Variants in ENPEP observed in about 807,000 individuals in gnomAD.
ENPEP encodes AP-A.
In ENPEP, 103 loss-of-function variants were observed where a neutral mutation model predicts 114.5. The ratio of observed to expected loss-of-function variants is 0.90; its 90% confidence interval spans 0.77 to 1.06. The LOEUF (loss-of-function observed/expected upper bound fraction) is 1.06, where lower values mean the gene tolerates loss of function less well. ENPEP is among the 50% of genes least tolerant of loss of function. The pLI is 0.00. For missense variants in ENPEP, 1,196 were observed against 1,161.3 expected (o/e 1.03, Z -0.43); for synonymous variants, 420 against 422.0 (o/e 1.00, Z 0.06).
chr4:110,556,863 C>T (rs1727492131), intron 18 of ENPEP, among the ~76,000 whole-genome samples: 1 of 152,050 alleles, frequency 6.6e-6, no homozygotes, highest in African/African-American at 2.4e-5. Flanking sequence ...TGTGGAGCAC[C>T]TACTCTGTGC....
rs565785205 is a variant in ENPEP, at chr4:110,533,775, C to G, written c.1807+2498C>G. 2.0e-5 allele frequency among the ~76,000 whole-genome samples: 3 copies of G among 152,240 alleles called. No homozygotes were observed. The South Asian group carries it at 6.2e-4, about 32-fold the overall frequency. On this transcript the variant is annotated intron_variant, in intron 11 of 19. Transcript: ENST00000265162. ...CACATTTTTTTGTTCTAACTATTGA[C>G]CTATCTATGTCTCCCCTCCCCACAG...
chr4:110,554,420 C>G (rs1578420915), intron 18 of ENPEP, among the ~76,000 whole-genome samples: 1 of 152,080 alleles, frequency 6.6e-6, no homozygotes, highest in Non-Finnish European at 1.5e-5. Context: ...ACCTCTAGCT[C>G]CCAACCAAAA....
rs1476896387 is a variant in ENPEP at position 110,509,765 on chromosome 4, A to C, written c.1152A>C (p.Gln384His). 1 of 1,614,070 alleles carries C rather than the reference A, an allele frequency of 6.2e-7. No homozygotes were observed. The highest frequency in any genetic ancestry group is 8.5e-7 in the Non-Finnish European group (1 of 1,180,026). Residue 384 changes from glutamine to histidine, a missense_variant, in exon 5 of 20, where the codon CAA becomes CAC. Transcript: ENST00000265162. ...YDPKESASSN[Q>H]QRVATVVAHE... is the part of the protein sequence containing the mutation. ...CTAAGGAATCAGCCTCATCAAACCAACAGAGGGTGGCCACTGTGGTTGCCC... is the reference window on the plus strand; with the variant it reads ...CTAAGGAATCAGCCTCATCAAACCACCAGAGGGTGGCCACTGTGGTTGCCC...
At chr4:110,501,843 G>T (rs1395116124) in intron 3 of ENPEP, among the ~76,000 whole-genome samples, 1 of 152,168 alleles carries the variant, frequency 6.6e-6, no homozygotes, top group Non-Finnish European at 1.5e-5. Context: ...TTCTGCTTTA[G>T]TTCTTTGAGA....
chr4:110,490,428 C>T (rs934202719), intron 2 of ENPEP, among the ~76,000 whole-genome samples: 3 of 152,230 alleles, frequency 2.0e-5, no homozygotes. Context: ...GGCAAGTATT[C>T]GTGGTTGAAG....
chr4:110,477,196 C>A, intron 1 of ENPEP, 138 bp downstream of exon 1: 1 of 1,270,170 alleles, frequency 7.9e-7, no homozygotes, highest in Non-Finnish European at 1.1e-6. Flanking sequence ...TTCTGGCTGT[C>A]CATCTGGGAA....
rs534701225 is a variant in ENPEP at position 110,541,686 on chromosome 4, A to G, written c.1808-1065A>G. ...TCATAAGATGGATTCTTAACATGGCATGTGGCTCTTCATACTGGAGGCCAG... is the reference window on the plus strand; with the variant it reads ...TCATAAGATGGATTCTTAACATGGCGTGTGGCTCTTCATACTGGAGGCCAG... On this transcript the variant is annotated intron_variant, in intron 11 of 19. Transcript: ENST00000265162. Among the ~76,000 whole-genome samples the G allele has an allele frequency of 2.6e-4, 39 of 152,240 alleles. 1 individual carries two copies. In the South Asian group the frequency reaches 8.1e-3, roughly 32 times the overall value.
rs750329312 is a variant in ENPEP, at chr4:110,548,274, C to A, written c.2099C>A (p.Thr700Asn). 4.3e-5 allele frequency: 69 copies of A among 1,598,688 alleles called. No homozygotes were observed. In the South Asian group the frequency reaches 7.0e-4, roughly 16 times the overall value. The change falls in exon 14 of 20, where the codon ACC becomes AAC. Residue 700 changes from threonine (T) to asparagine (N), a missense_variant. Thr to Asn is a moderately conservative substitution (Grantham distance 65, BLOSUM62 0). Coordinates refer to ENST00000265162, the MANE Select transcript of ENPEP (RefSeq NM_001977.4). Reference sequence around the variant, plus strand: ...TGGCAGAGAGTAATTTCAGCTGTAACCTACATCATTAGCATGTTTGAAGAT... The same window carrying A: ...TGGCAGAGAGTAATTTCAGCTGTAAACTACATCATTAGCATGTTTGAAGAT... ...LPWQRVISAVTYIISMFEDDK... is the reference protein window; with the variant it reads ...LPWQRVISAVNYIISMFEDDK...
chr4:110,482,281 A>C (rs183967062), intron 1 of ENPEP, among the ~76,000 whole-genome samples: 1 of 152,306 alleles, frequency 6.6e-6, no homozygotes, highest in African/African-American at 2.4e-5. Flanking sequence ...TCAAGATTTG[A>C]CGATTGCTTG....
rs1187636375 is a variant in ENPEP, at chr4:110,519,999, T to C, written c.1510-9T>C. 7.4e-6 allele frequency: 12 copies of C among 1,611,394 alleles called. No homozygotes were observed. Among genetic ancestry groups the C allele is most frequent in the Non-Finnish European group, 1.0e-5 (12 of 1,178,718 alleles). On this transcript the variant is annotated splice_polypyrimidine_tract_variant and intron_variant, in intron 8 of 19. Transcript: ENST00000265162. Reference sequence around the variant, plus strand: ...GACTTCTAACATGCTGATTATTTTTTACACACAGATGTACTTGGAAAAATA... The same window carrying C: ...GACTTCTAACATGCTGATTATTTTTCACACACAGATGTACTTGGAAAAATA...
chr4:110,529,856 C>T (rs1296019316), intron 10 of ENPEP, among the ~76,000 whole-genome samples: 1 of 152,006 alleles, frequency 6.6e-6, no homozygotes, highest in African/African-American at 2.4e-5. Context: ...GGTGGATCAC[C>T]TGAGGTCAGG....
chr4:110,514,931 T>G (rs1393225510), intron 7 of ENPEP, among the ~76,000 whole-genome samples: 1 of 152,128 alleles, frequency 6.6e-6, no homozygotes, highest in Non-Finnish European at 1.5e-5. Context: ...GATAATTCCT[T>G]GACTATCTAC....
intron 3 of ENPEP, among the ~76,000 whole-genome samples, chr4:110,500,605 T>C (rs190964664): frequency 4.1e-4 from 63 of 152,242 alleles, no homozygotes; most frequent in Admixed American, 7.8e-4. Context: ...TATTTAAACG[T>C]TAATAGGGTT....
chr4:110,491,452 A>G (rs1724717179), intron 3 of ENPEP, among the ~76,000 whole-genome samples: 1 of 152,132 alleles, frequency 6.6e-6, no homozygotes, highest in African/African-American at 2.4e-5. Flanking sequence ...CAAATATATT[A>G]AAATGTTTGG....
chr4:110,526,150 C>A (rs1042931291), intron 10 of ENPEP, among the ~76,000 whole-genome samples: 1 of 152,046 alleles, frequency 6.6e-6, no homozygotes, highest in South Asian at 2.1e-4. Flanking sequence ...GTAGCACACA[C>A]CTGTAATCCC....
rs574893945 is a variant in ENPEP, at chr4:110,476,300, C to G, written c.-115C>G. 7.3e-7 allele frequency: 1 copy of G among 1,368,048 alleles called. No homozygotes were observed. The highest frequency in any genetic ancestry group is 2.3e-5 in the East Asian group (1 of 42,744). The allele number at this position is 1,368,048 out of a possible 1,614,324, so 84.7% of individuals were successfully genotyped here. ...GCCAGAGAGAGGGGTGTGGGAAAAGCGAAAACAGGCTGCCAAATCAGGGGA... is the reference window on the plus strand; with the variant it reads ...GCCAGAGAGAGGGGTGTGGGAAAAGGGAAAACAGGCTGCCAAATCAGGGGA... On this transcript the variant is annotated 5_prime_UTR_variant, in exon 1 of 20. Transcript: ENST00000265162.
At chr4:110,484,033 T>G (rs1425896235) in intron 1 of ENPEP, among the ~76,000 whole-genome samples, 2 of 152,202 alleles carry the variant, frequency 1.3e-5, no homozygotes, top group Non-Finnish European at 2.9e-5. Context: ...CTATAGTGTA[T>G]ATACACCAAG....
Position 110,526,619 on chromosome 4 carries a change from A to C in ENPEP, c.1728-4579A>C, listed in dbSNP as rs76328863. 4.7e-4 allele frequency among the ~76,000 whole-genome samples: 71 copies of C among 152,304 alleles called. No individual in the cohort carries two copies. The East Asian group carries it at 0.013, about 29-fold the overall frequency. On this transcript the variant is annotated intron_variant, in intron 10 of 19. Transcript: ENST00000265162. The stretch of plus-strand genomic sequence containing the variant: ...TATGCAGACCATGTTAAAGATTTTG[A>C]AAATAGTATGCAAATTTAAGGATTT...
chr4:110,521,614 C>A (rs951593725), intron 10 of ENPEP, among the ~76,000 whole-genome samples: 2 of 151,788 alleles, frequency 1.3e-5, no homozygotes, highest in Non-Finnish European at 2.9e-5. Context: ...ATTAAGGAAA[C>A]AAAATAAATG....
Sources: allele counts gnomAD v4.1 joint callset (sites outside exome capture counted in the v4.1 genomes callset), GRCh38; gene constraint gnomAD v4.1.1; transcripts MANE v1.5; gene names NCBI Gene and HGNC (gene_info 2026-07-23, HGNC 2026-07-21).